Variants in TTC17 observed in about 807,000 individuals in gnomAD.
TTC17 encodes tetratricopeptide repeat domain 17.
Under a neutral mutation model 143.8 loss-of-function variants are expected in TTC17, and 58 were observed. That is an observed-to-expected ratio of 0.40 (90% CI 0.33 to 0.50). The LOEUF (loss-of-function observed/expected upper bound fraction) is 0.50. TTC17 is among the 20% of genes least tolerant of loss of function. TTC17 has a pLI of 0.49. For missense variants in TTC17, 1,273 were observed against 1,392.5 expected, an observed-to-expected ratio of 0.91 and a Z score of 1.37; for synonymous variants, 501 against 497.8, an observed-to-expected ratio of 1.01 and a Z score of -0.09.
chr11:43,481,109 ATAATT>A (rs1456100226), intron 21 of TTC17, among the ~76,000 whole-genome samples: 1 of 152,198 alleles, frequency 6.6e-6, no homozygotes, highest in Admixed American at 6.5e-5. Context: ...TTTCAAAACA[ATAATT>A]ATTAGGAGTA....
intron 11 of TTC17, 129 bp downstream of exon 11, chr11:43,404,273 A>G (rs1858010492): frequency 2.4e-6 from 2 of 819,902 alleles, no homozygotes; most frequent in Non-Finnish European, 3.5e-6. Context: ...CGTGTAGTAC[A>G]TTTCTATTAA....
At chr11:43,395,305 T>C (rs1857542283) in intron 5 of TTC17, 1 of 151,930 alleles carries the variant, frequency 6.6e-6, no homozygotes, top group African/African-American at 2.4e-5. Context: ...TTTCACCATG[T>C]TAGCCAGGAT....
intron 16 of TTC17, among the ~76,000 whole-genome samples, chr11:43,426,662 CTT>C (rs1470657457): frequency 6.6e-6 from 1 of 152,070 alleles, no homozygotes; most frequent in Non-Finnish European, 1.5e-5. Flanking sequence ...AGTGCTTGAT[CTT>C]TTTCCTTCTA....
At chr11:43,399,133 G>A (rs1857739284) in intron 8 of TTC17, among the ~76,000 whole-genome samples, 2 of 152,116 alleles carry the variant, frequency 1.3e-5, no homozygotes, top group African/African-American at 2.4e-5. Context: ...TTCCTGGCCT[G>A]TAACCAATAA....
intron 5 of TTC17, among the ~76,000 whole-genome samples, chr11:43,393,624 A>T (rs1047636919): frequency 6.6e-6 from 1 of 152,004 alleles, no homozygotes; most frequent in Non-Finnish European, 1.5e-5. Context: ...GGACAGGGGG[A>T]GGATGGGATT....
intron 1 of TTC17, among the ~76,000 whole-genome samples, chr11:43,369,228 T>G (rs1194630463): frequency 6.6e-6 from 1 of 152,248 alleles, no homozygotes; most frequent in Non-Finnish European, 1.5e-5. Flanking sequence ...GTTACTCATT[T>G]GTGGTTCATG....
intron 21 of TTC17, chr11:43,468,452 G>GA (rs1948024083): frequency 6.6e-6 from 1 of 151,986 alleles, no homozygotes; most frequent in South Asian, 2.1e-4. Context: ...GCATATAGAA[G>GA]AAAAAACCCA....
intron 1 of TTC17, among the ~76,000 whole-genome samples, chr11:43,366,517 A>AT (rs1856350021): frequency 6.6e-6 from 1 of 152,028 alleles, no homozygotes; most frequent in Non-Finnish European, 1.5e-5. Flanking sequence ...AAAAAAAAAA[A>AT]AAAATTGAAT....
At chr11:43,441,024 CT>C (rs1947405888) in intron 16 of TTC17, among the ~76,000 whole-genome samples, 1 of 151,622 alleles carries the variant, frequency 6.6e-6, no homozygotes, top group Non-Finnish European at 1.5e-5. Context: ...AATCCAAGCA[CT>C]TAGAGAGCCT....
chr11:43,488,166 C>T (rs1948411972), intron 21 of TTC17, among the ~76,000 whole-genome samples: 1 of 152,094 alleles, frequency 6.6e-6, no homozygotes, highest in Non-Finnish European at 1.5e-5. Flanking sequence ...TTGGGAAAAC[C>T]ACACAAAAGT....
intron 10 of TTC17, among the ~76,000 whole-genome samples, chr11:43,402,519 T>C (rs561117133): frequency 1.3e-5 from 2 of 152,122 alleles, no homozygotes; most frequent in South Asian, 2.1e-4. Context: ...AGATAGTATA[T>C]AATAGATGTT....
chr11:43,444,863 G>A (rs1427270681), intron 18 of TTC17, among the ~76,000 whole-genome samples: 3 of 152,050 alleles, frequency 2.0e-5, no homozygotes, highest in African/African-American at 7.2e-5. Context: ...GTTTTTAAAT[G>A]TGTAACACAC....
chr11:43,468,613 G>T (rs1948027781), intron 21 of TTC17, among the ~76,000 whole-genome samples: 1 of 151,126 alleles, frequency 6.6e-6, no homozygotes, highest in South Asian at 2.1e-4. Flanking sequence ...AACTATACAA[G>T]AAAAAAAAAT....
In TTC17 at chr11:43,469,045, A is replaced by G. The variant is rs7105296; in HGVS notation, c.3030+17780A>G. The stretch of plus-strand genomic sequence containing the variant: ...TAGTAATTTTTAAAAAGACAACGCA[A>G]TTTTTTAAAGGTGAGTTTTGTGAAT... On this transcript the variant is annotated intron_variant, in intron 21 of 23. Coordinates refer to ENST00000039989, the MANE Select transcript of TTC17 (RefSeq NM_018259.6). 4.4e-3 allele frequency among the ~76,000 whole-genome samples: 675 copies of G among 152,342 alleles called. 3 individuals carry two copies. Among genetic ancestry groups the G allele is most frequent in the African/African-American group, 0.015 (636 of 41,580 alleles).
intron 16 of TTC17, among the ~76,000 whole-genome samples, chr11:43,439,903 T>C (rs991163482): frequency 3.3e-5 from 5 of 152,224 alleles, no homozygotes; most frequent in Admixed American, 3.3e-4. Flanking sequence ...TGAACTCATA[T>C]AAACCTCACT....
intron 2 of TTC17, among the ~76,000 whole-genome samples, chr11:43,384,006 A>G (rs1857074562): frequency 6.6e-6 from 1 of 152,040 alleles, no homozygotes; most frequent in Non-Finnish European, 1.5e-5. Flanking sequence ...TTAGCTGGGC[A>G]TGGTGGCAGG....
chr11:43,365,553 C>G (rs953731476), intron 1 of TTC17, among the ~76,000 whole-genome samples: 2 of 152,226 alleles, frequency 1.3e-5, no homozygotes, highest in Non-Finnish European at 2.9e-5. Context: ...CAGGCATGAG[C>G]CGCCATGCCT....
intron 1 of TTC17, among the ~76,000 whole-genome samples, chr11:43,375,696 A>T (rs1464057239): frequency 2.0e-5 from 3 of 152,088 alleles, no homozygotes; most frequent in African/African-American, 7.2e-5. Flanking sequence ...TAAGTTGCAC[A>T]TGAGAGCTTG....
At chr11:43,374,113 C>T (rs1166724662) in intron 1 of TTC17, among the ~76,000 whole-genome samples, 1 of 152,040 alleles carries the variant, frequency 6.6e-6, no homozygotes, top group Non-Finnish European at 1.5e-5. Context: ...CTAGCATATA[C>T]CTGAAAGCAA....
Sources: gnomAD v4.1 joint callset for allele counts (sites outside exome capture counted in the v4.1 genomes callset) on GRCh38, gnomAD v4.1.1 for gene constraint, MANE v1.5 for transcripts, NCBI Gene and HGNC (gene_info 2026-07-23, HGNC 2026-07-21) for gene names.